ITCH: variants seen among roughly 807,000 people sequenced by gnomAD.
ITCH encodes the protein E3 ubiquitin-protein ligase Itchy homolog.
Under a neutral mutation model 126.8 loss-of-function variants are expected in ITCH, and 28 were observed. The observed-to-expected ratio is 0.22, with a 90% CI of 0.16 to 0.30. ITCH has a LOEUF of 0.30. Among genes scored for constraint, ITCH ranks in the 10% least tolerant of loss-of-function variants. The probability of loss-of-function intolerance (pLI) is 1.00; values close to 1 mark genes in which losing one functional copy is unlikely to be tolerated. For missense variants in ITCH, 631 were observed against 1,032.4 expected, an observed-to-expected ratio of 0.61 and a Z score of 5.33; for synonymous variants, 342 against 340.0, an observed-to-expected ratio of 1.01 and a Z score of -0.06.
chr20:34,367,295 A>T (rs1407458439), intron 1 of ITCH, among the ~76,000 whole-genome samples: 1 of 152,128 alleles, frequency 6.6e-6, no homozygotes. Context: ...CGTGTGCCTC[A>T]GCCTCCCAAG....
At chr20:34,363,754 C>T (rs1430338416) in intron 1 of ITCH, among the ~76,000 whole-genome samples, 1 of 152,066 alleles carries the variant, frequency 6.6e-6, no homozygotes, top group African/African-American at 2.4e-5. Context: ...GGCGACGTGG[C>T]CCTGTGAGGG....
Position 34,481,157 on chromosome 20 carries a change from A to C in ITCH, c.2044A>C (p.Asn682His). ...AATTAAGAGTCATGATCTGAAACCT[A>C]ATGGTGGCAATATTCTTGTAACAGA... is the stretch of plus-strand genomic sequence containing the variant. ...GEIKSHDLKP[N>H]GGNILVTEEN... The change falls in exon 20 of 25, where the codon AAT (asparagine) becomes CAT (histidine). Residue 682 changes from asparagine (N) to histidine (H), a missense_variant. Physicochemically the swap from Asn to His is moderately conservative, Grantham distance 68 (BLOSUM62 1). This residue lies in a region of ITCH where 390 missense variants were observed against 731.6 expected (regional missense o/e 0.53). Coordinates refer to ENST00000374864, the MANE Select transcript of ITCH (RefSeq NM_031483.7). The C allele has an allele frequency of 6.2e-7, 1 of 1,613,374 alleles. No homozygotes were observed. Among genetic ancestry groups the C allele is most frequent in the Admixed American group, 1.7e-5 (1 of 60,024 alleles).
chr20:34,372,727 G>A (rs949533737), intron 2 of ITCH, among the ~76,000 whole-genome samples: 15 of 152,016 alleles, frequency 9.9e-5, no homozygotes, highest in African/African-American at 3.4e-4. Context: ...TGTAGGAAAC[G>A]TAAGTATAGA....
intron 5 of ITCH, among the ~76,000 whole-genome samples, chr20:34,413,515 T>C (rs1254163483): frequency 1.3e-5 from 2 of 152,224 alleles, no homozygotes; most frequent in African/African-American, 4.8e-5. Context: ...GAGATACTAT[T>C]TTACATCATG....
intron 16 of ITCH, among the ~76,000 whole-genome samples, chr20:34,475,483 T>C (rs1988114398): frequency 6.6e-6 from 1 of 151,924 alleles, no homozygotes; most frequent in African/African-American, 2.4e-5. Flanking sequence ...CGAAATCCCG[T>C]CTCCACCAAA....
In ITCH at chr20:34,503,068, G is replaced by A. The variant is rs191491756; in HGVS notation, c.2417-1263G>A. Among the ~76,000 whole-genome samples the A allele has an allele frequency of 1.3e-3, 193 of 152,296 alleles. 2 individuals carry two copies. Among genetic ancestry groups the A allele is most frequent in the African/African-American group, 4.4e-3 (184 of 41,552 alleles). ...GCAGAGTGAGTTAATTTTAATTTAT[G>A]TGTTGAACACCACAGAATAATTTTA... On this transcript the variant is annotated intron_variant, in intron 23 of 24. Coordinates refer to ENST00000374864, the MANE Select transcript of ITCH (RefSeq NM_031483.7).
At chr20:34,380,605 CTTTTTTTTTTTT>C (rs35848431) in intron 2 of ITCH, among the ~76,000 whole-genome samples, 8 of 69,270 alleles carry the variant, frequency 1.2e-4, no homozygotes, top group Non-Finnish European at 1.8e-4. Context: ...TTAATGATGT[CTTTTTTTTTTTT>C]TTTTTTTTTT....
chr20:34,483,598 C>T (rs1371494629), intron 20 of ITCH, among the ~76,000 whole-genome samples: 1 of 152,232 alleles, frequency 6.6e-6, no homozygotes, highest in East Asian at 1.9e-4. Flanking sequence ...ACACCTCAGC[C>T]TGGACTTTAT....
At chr20:34,463,084 C>T (rs576849498) in intron 14 of ITCH, among the ~76,000 whole-genome samples, 40 of 152,180 alleles carry the variant, frequency 2.6e-4, no homozygotes, top group African/African-American at 7.5e-4. Context: ...TGCTTGAGGC[C>T]GGGCGCAGTG....
chr20:34,476,377 C>T, intron 16 of ITCH: 1 of 1,310,042 alleles, frequency 7.6e-7, no homozygotes, highest in South Asian at 2.0e-5. Flanking sequence ...GCCGCTGGCT[C>T]CAGCGCGGGA....
intron 5 of ITCH, among the ~76,000 whole-genome samples, chr20:34,413,464 A>G (rs1486835291): frequency 6.6e-6 from 1 of 152,098 alleles, no homozygotes; most frequent in Non-Finnish European, 1.5e-5. Context: ...CCCATTTTAT[A>G]CTATAGTCTT....
At chr20:34,398,172 C>G (rs557294533) in intron 3 of ITCH, among the ~76,000 whole-genome samples, 2 of 151,862 alleles carry the variant, frequency 1.3e-5, no homozygotes, top group African/African-American at 2.4e-5. Context: ...AGGTGAGCCT[C>G]CCACCTCAGC....
rs1357577613 is a variant in ITCH at position 34,509,644 on chromosome 20, G to A, written c.*1850G>A. ...TTTCATGTACCCCAGGAAATACTGTGTGGTTTCTAAAAGCCCTGGTTGTTA... is the reference window on the plus strand; with the variant it reads ...TTTCATGTACCCCAGGAAATACTGTATGGTTTCTAAAAGCCCTGGTTGTTA... On this transcript the variant is annotated 3_prime_UTR_variant, in exon 25 of 25. Transcript: ENST00000374864. 2.0e-5 allele frequency: 3 copies of A among 152,570 alleles called. No homozygotes were observed. The highest frequency in any genetic ancestry group is 4.4e-5 in the Non-Finnish European group (3 of 68,036). The allele number at this position is 152,570 out of a possible 1,614,324, so 9.5% of individuals were successfully genotyped here.
At chr20:34,419,719 A>G (rs1277743680) in intron 6 of ITCH, among the ~76,000 whole-genome samples, 3 of 152,052 alleles carry the variant, frequency 2.0e-5, no homozygotes, top group Non-Finnish European at 4.4e-5. Context: ...CAGTGGTACT[A>G]TCTCCGCTCG....
At chr20:34,473,242 G>A (rs1218333688) in intron 16 of ITCH, among the ~76,000 whole-genome samples, 2 of 152,194 alleles carry the variant, frequency 1.3e-5, no homozygotes, top group Admixed American at 1.3e-4. Context: ...AGCACAACTG[G>A]TTATGGGGGA....
chr20:34,391,661 G>A (rs1047726609), intron 2 of ITCH, among the ~76,000 whole-genome samples: 1 of 151,922 alleles, frequency 6.6e-6, no homozygotes. Flanking sequence ...GTGAATTTTA[G>A]TTATGTAAAA....
At chr20:34,470,000 C>G in intron 14 of ITCH, 48 bp from the exon 15 acceptor site, 1 of 1,477,446 alleles carries the variant, frequency 6.8e-7, no homozygotes, top group South Asian at 1.1e-5. Context: ...TCAGCATTAT[C>G]TTTTACAAGC....
Position 34,511,443 on chromosome 20 carries a change from C to G in ITCH, c.*3649C>G, listed in dbSNP as rs889732384. 4 of 152,188 alleles carry G rather than the reference C, an allele frequency of 2.6e-5. No homozygotes were observed. Among genetic ancestry groups the G allele is most frequent in the Admixed American group, 6.5e-5 (1 of 15,280 alleles). 9.4% of individuals were successfully genotyped at this position (152,188 alleles called of 1,614,324 possible). A position where few individuals can be genotyped will look rare whatever the true frequency, so the allele number is the denominator to read the frequency against. On this transcript the variant is annotated 3_prime_UTR_variant, in exon 25 of 25. Transcript: ENST00000374864. The stretch of plus-strand genomic sequence containing the variant: ...GGGTAAGGAGGGGTCTCTTTCCTCT[C>G]TCCCCGGCCCCACCTTCTGAGACTT...
At chr20:34,442,651 C>G (rs1400883903) in intron 10 of ITCH, among the ~76,000 whole-genome samples, 1 of 150,890 alleles carries the variant, frequency 6.6e-6, no homozygotes, top group Non-Finnish European at 1.5e-5. Flanking sequence ...TCATGCCTGG[C>G]CCTATTTTCA....
Sources: allele counts gnomAD v4.1 joint callset (sites outside exome capture counted in the v4.1 genomes callset), GRCh38; gene constraint gnomAD v4.1.1; regional missense constraint gnomAD v4.1.1; transcripts MANE v1.5; gene names NCBI Gene and HGNC (gene_info 2026-07-23, HGNC 2026-07-21).